The following MICAL2 variants were observed in gnomAD, a reference collection of about 807,000 sequenced individuals.
The protein encoded by MICAL2 is [F-actin]-monooxygenase MICAL2.
A neutral mutation model predicts 127.3 loss-of-function variants in MICAL2; 77 were observed. The observed-to-expected ratio is 0.60, with a 90% CI of 0.50 to 0.73. The LOEUF is 0.73. MICAL2 is among the 30% of genes least tolerant of loss of function. The probability of loss-of-function intolerance (pLI) is 0.00; values close to 1 mark genes in which losing one functional copy is unlikely to be tolerated. For missense variants in MICAL2, 1,351 were observed against 1,434.4 expected (o/e 0.94, Z 0.94); for synonymous variants, 570 against 551.1 (o/e 1.03, Z -0.48).
intron 1 of MICAL2, among the ~76,000 whole-genome samples, chr11:12,117,675 C>A (rs1323777207): frequency 6.6e-6 from 1 of 152,164 alleles, no homozygotes; most frequent in African/African-American, 2.4e-5. Flanking sequence ...AACTGTTCAT[C>A]CAAAAGGAGC....
intron 12 of MICAL2, among the ~76,000 whole-genome samples, chr11:12,224,160 C>T (rs900435623): frequency 1.3e-4 from 20 of 152,320 alleles, no homozygotes; most frequent in Middle Eastern, 3.4e-3. Context: ...TTTCTAGATT[C>T]TTAGCCACCA....
chr11:12,208,183 A>C (rs1854973017), intron 5 of MICAL2, 44 bp downstream of exon 5: 1 of 1,453,710 alleles, frequency 6.9e-7, no homozygotes. Flanking sequence ...CAGATACTAC[A>C]AAATAGAAAT....
chr11:12,340,704 T>C (rs958692840), intron 32 of MICAL2, among the ~76,000 whole-genome samples: 25 of 152,322 alleles, frequency 1.6e-4, no homozygotes, highest in African/African-American at 6.0e-4. Context: ...TATACAGCAG[T>C]GAAAATGAAT....
chr11:12,194,117 C>T (rs1239968617), intron 3 of MICAL2, among the ~76,000 whole-genome samples: 3 of 152,232 alleles, frequency 2.0e-5, no homozygotes, highest in Non-Finnish European at 4.4e-5. Context: ...AAATGTTTGT[C>T]ATTGGGTAGA....
chr11:12,121,964 C>T lies in MICAL2; in HGVS notation c.-149+11238C>T, dbSNP rs537946479. ...CTGAAATGGGCTTGCTTTCTTTTTTCTCCTAGGATCAGTGCTACCCATATG... is the reference window on the plus strand; with the variant it reads ...CTGAAATGGGCTTGCTTTCTTTTTTTTCCTAGGATCAGTGCTACCCATATG... On this transcript the variant is annotated intron_variant, in intron 1 of 27. Transcript: ENST00000683283. 2.6e-5 allele frequency among the ~76,000 whole-genome samples: 4 copies of T among 152,258 alleles called. No individual in the cohort carries two copies. The East Asian group carries it at 5.8e-4, about 22-fold the overall frequency.
intron 32 of MICAL2, among the ~76,000 whole-genome samples, chr11:12,347,326 C>T (rs759635004): frequency 1.3e-5 from 2 of 152,216 alleles, no homozygotes; most frequent in Non-Finnish European, 2.9e-5. Flanking sequence ...TTTATTCTAG[C>T]TCTTTGAGTC....
chr11:12,304,081 G>A (rs1864080182), intron 29 of MICAL2, among the ~76,000 whole-genome samples: 1 of 152,090 alleles, frequency 6.6e-6, no homozygotes, highest in Non-Finnish European at 1.5e-5. Flanking sequence ...TTTGAAATTG[G>A]TGGTAAATAA....
chr11:12,260,877 T>C, intron 26 of MICAL2: 1 of 985,402 alleles, frequency 1.0e-6, no homozygotes, highest in Non-Finnish European at 1.2e-6. Flanking sequence ...CAAAGAACCG[T>C]GGGGTTTCAA....
chr11:12,283,588 A>G (rs1863794366), intron 2 of MICAL2, among the ~76,000 whole-genome samples: 1 of 152,210 alleles, frequency 6.6e-6, no homozygotes, highest in African/African-American at 2.4e-5. Context: ...AAAAGGACAT[A>G]CATCAGTTTG....
chr11:12,135,246 G>A (rs1316346456), intron 1 of MICAL2, among the ~76,000 whole-genome samples: 3 of 152,144 alleles, frequency 2.0e-5, no homozygotes, highest in Admixed American at 6.5e-5. Flanking sequence ...TAAGTATAAT[G>A]CTCACTTTTC....
intron 1 of MICAL2, among the ~76,000 whole-genome samples, chr11:12,118,054 G>C (rs1423006895): frequency 1.3e-5 from 2 of 152,196 alleles, no homozygotes; most frequent in African/African-American, 4.8e-5. Context: ...AGGAGGAGTA[G>C]GAGGAAGCAC....
Position 12,204,340 on chromosome 11 carries a change from G to A in MICAL2, c.355G>A (p.Asp119Asn), listed in dbSNP as rs771541738. 42 of 1,613,914 alleles carry A rather than the reference G, an allele frequency of 2.6e-5. No homozygotes were observed. The highest frequency in any genetic ancestry group is 3.2e-5 in the Non-Finnish European group (38 of 1,179,928). The change falls in exon 4 of 28, where the codon GAC (aspartate) becomes AAC (asparagine). Residue 119 changes from aspartate to asparagine, a missense_variant. Asp to Asn is a conservative substitution (Grantham distance 23). Coordinates refer to ENST00000683283, the MANE Select transcript of MICAL2 (RefSeq NM_001282663.2). ...CAAAGTGGTCGTGGTGGAGAAGAGGGACTCCTTCTCCCGGAACAACGTGCT... is the reference window on the plus strand; with the variant it reads ...CAAAGTGGTCGTGGTGGAGAAGAGGAACTCCTTCTCCCGGAACAACGTGCT... ...GAKVVVVEKRDSFSRNNVLHL... is the reference protein window; with the variant it reads ...GAKVVVVEKRNSFSRNNVLHL...
chr11:12,357,330 T>A (rs998484068), intron 34 of MICAL2, among the ~76,000 whole-genome samples: 6 of 152,234 alleles, frequency 3.9e-5, no homozygotes, highest in African/African-American at 1.4e-4. Flanking sequence ...AGCTCATTAC[T>A]ACTTGTTTCC....
At chr11:12,348,198 G>A (rs1938987710) in intron 32 of MICAL2, among the ~76,000 whole-genome samples, 1 of 147,116 alleles carries the variant, frequency 6.8e-6, no homozygotes, top group Non-Finnish European at 1.5e-5. Context: ...CATATAACCT[G>A]TGTACATCTT....
intron 15 of MICAL2, among the ~76,000 whole-genome samples, chr11:12,233,306 G>A (rs2134394392): frequency 6.6e-6 from 1 of 152,334 alleles, no homozygotes; most frequent in East Asian, 1.9e-4. Flanking sequence ...GAAATAATTA[G>A]TACCAATGCT....
chr11:12,153,808 C>G (rs1365462549), intron 2 of MICAL2, among the ~76,000 whole-genome samples: 1 of 152,202 alleles, frequency 6.6e-6, no homozygotes, highest in Non-Finnish European at 1.5e-5. Flanking sequence ...AGGCTGGCCT[C>G]CTAGAAATTG....
At chr11:12,114,488 C>T (rs1371646711) in intron 1 of MICAL2, among the ~76,000 whole-genome samples, 7 of 152,146 alleles carry the variant, frequency 4.6e-5, no homozygotes, top group South Asian at 2.1e-4. Flanking sequence ...TTTAGAGAAG[C>T]GCCCCCTCTT....
At chr11:12,267,447 T>C (rs1268894132), downstream of MICAL2, among the ~76,000 whole-genome samples, 1 of 152,068 alleles carries the variant, frequency 6.6e-6, no homozygotes, top group Non-Finnish European at 1.5e-5. Context: ...CGAAATCCAT[T>C]AGCAAATTTG....
At chr11:12,330,012 C>T (rs1864397980) in intron 32 of MICAL2, among the ~76,000 whole-genome samples, 1 of 151,992 alleles carries the variant, frequency 6.6e-6, no homozygotes, top group Admixed American at 6.6e-5. Flanking sequence ...ATTTAATTCC[C>T]CTGTTAAGTT....
Sources: allele counts gnomAD v4.1 joint callset (sites outside exome capture counted in the v4.1 genomes callset), GRCh38; gene constraint gnomAD v4.1.1; transcripts MANE v1.5; gene names NCBI Gene and HGNC (gene_info 2026-07-23, HGNC 2026-07-21).